Variants in MMD2 observed in about 807,000 individuals in gnomAD.
The protein encoded by MMD2 is monocyte to macrophage differentiation factor 2.
In MMD2, 30 loss-of-function variants were observed where a neutral mutation model predicts 33.5. The observed-to-expected ratio is 0.90, with a 90% CI of 0.67 to 1.22. MMD2 has a LOEUF of 1.22. Ranked by LOEUF, MMD2 falls within the 50% of genes most tolerant of loss-of-function variation. The probability of loss-of-function intolerance (pLI) is 0.00; values close to 1 mark genes in which losing one functional copy is unlikely to be tolerated. For synonymous variants in MMD2, 129 were observed against 123.0 expected, an observed-to-expected ratio of 1.05 and a Z score of -0.32; for missense variants, 364 against 325.4, an observed-to-expected ratio of 1.12 and a Z score of -0.91.
chr7:4,918,310 C>A (rs1421717216), intron 3 of MMD2, among the ~76,000 whole-genome samples: 2 of 152,156 alleles, frequency 1.3e-5, no homozygotes, highest in Admixed American at 6.6e-5. Flanking sequence ...CAGCCCTGAA[C>A]AAATTTGACT....
At position 4,941,326 on chromosome 7, in the gene MMD2, A is replaced by C. The variant is rs570593093; in HGVS notation, c.48-15794T>G. Reference sequence around the variant, plus strand: ...TTGAGAGTTGGTAAGTTTTCAGGCAATAGCAGAAAAAGGACACTTCTGACC... The same window carrying C: ...TTGAGAGTTGGTAAGTTTTCAGGCACTAGCAGAAAAAGGACACTTCTGACC... On this transcript the variant is annotated intron_variant, in intron 1 of 6. Coordinates refer to ENST00000401401, the MANE Select transcript of MMD2 (RefSeq NM_198403.4). Among the ~76,000 whole-genome samples, 5 of 152,320 alleles carry C rather than the reference A, an allele frequency of 3.3e-5. No homozygotes were observed. The East Asian group carries it at 9.6e-4, about 29-fold the overall frequency.
At chr7:4,945,184 CTTTCTTCTTCTTCTT>C (rs1391769537) in intron 1 of MMD2, among the ~76,000 whole-genome samples, 2 of 31,624 alleles carry the variant, frequency 6.3e-5, no homozygotes, top group African/African-American at 2.3e-4. Context: ...TCCTCTTCCT[CTTTCTTCTTCTTCTT>C]CTTCTTCTTC....
intron 3 of MMD2, 59 bp from the exon 4 acceptor site, chr7:4,916,138 C>T: frequency 6.5e-7 from 1 of 1,542,420 alleles, no homozygotes; most frequent in East Asian, 2.3e-5. Flanking sequence ...GGGCCAGTGC[C>T]CCCAGAGCCG....
the MMD2 span, among the ~76,000 whole-genome samples, chr7:4,896,610 C>T: frequency 2.6e-5 from 4 of 152,224 alleles, no homozygotes; most frequent in Admixed American, 1.3e-4. Context: ...CCATTTCCAC[C>T]TCCTCTAGCT....
At chr7:4,945,767 G>A (rs947909382) in intron 1 of MMD2, among the ~76,000 whole-genome samples, 2 of 147,826 alleles carry the variant, frequency 1.4e-5, no homozygotes, top group East Asian at 1.9e-4. Context: ...TGGAGATGGG[G>A]ATTCATCATG....
In MMD2 at chr7:4,909,774, C is replaced by T. The variant is rs1262732604; in HGVS notation, c.537+107G>A. 26 of 1,469,500 alleles carry T rather than the reference C, an allele frequency of 1.8e-5. No homozygotes were observed. The Admixed American group carries it at 4.7e-4, about 27-fold the overall frequency. The allele number at this position is 1,469,500 out of a possible 1,614,324, so 91.0% of individuals were successfully genotyped here. On this transcript the variant is annotated intron_variant, in intron 6 of 6. Transcript: ENST00000401401. The stretch of plus-strand genomic sequence containing the variant: ...ACAAGTCATGCCAGGCCTCAGTTTC[C>T]CCGCCTGCCAAAGGAGAGGGTTTGT...
intron 2 of MMD2, among the ~76,000 whole-genome samples, 182 bp downstream of exon 2, chr7:4,925,269 G>A (rs910964926): frequency 3.9e-5 from 6 of 152,110 alleles, no homozygotes; most frequent in Non-Finnish European, 7.4e-5. Context: ...GACATGGCCA[G>A]CACTGCAGTC....
chr7:4,942,011 T>A (rs1167913649), intron 1 of MMD2, among the ~76,000 whole-genome samples: 3 of 152,100 alleles, frequency 2.0e-5, no homozygotes, highest in Admixed American at 1.3e-4. Context: ...TGAAGTGCTG[T>A]GGCATGATCT....
chr7:4,911,368 C>A (rs1363588448), intron 4 of MMD2, 122 bp from the exon 5 acceptor site: 2 of 706,792 alleles, frequency 2.8e-6, no homozygotes, highest in East Asian at 5.5e-5. Flanking sequence ...GACTCCACGG[C>A]TGGGACATGG....
chr7:4,931,754 TG>T (rs1213814070), intron 1 of MMD2, among the ~76,000 whole-genome samples: 68 of 149,934 alleles, frequency 4.5e-4, no homozygotes, highest in Admixed American at 4.5e-3. Context: ...TTGTAGAGAC[TG>T]GGTCTTGCTC....
Position 4,911,131 on chromosome 7 carries a change from C to CA in MMD2, c.467+13dup, listed in dbSNP as rs1562476171. ...GGGAATCCCGCCTCCCTGAAGCCCCCAGGCCTGGCTTACCGCTCATGGAAG... is the reference window on the plus strand; with the variant it reads ...GGGAATCCCGCCTCCCTGAAGCCCCCAAGGCCTGGCTTACCGCTCATGGAAG... On this transcript the variant is annotated intron_variant, in intron 5 of 6. Transcript: ENST00000401401. 6.4e-7 allele frequency: 1 copy of CA among 1,564,158 alleles called. No individual in the cohort carries two copies. Among genetic ancestry groups the CA allele is most frequent in the Non-Finnish European group, 8.7e-7 (1 of 1,154,358 alleles).
chr7:4,894,737 C>T, the MMD2 span, among the ~76,000 whole-genome samples: 1,240 of 152,230 alleles, frequency 8.1e-3, 25 homozygotes, highest in African/African-American at 0.028. This position sits in a 1 kb window ranked among gnomAD's most constrained non-coding sequence, Gnocchi z 4.3. Flanking sequence ...ACCGGCCAGT[C>T]ATTTGTCTCT....
chr7:4,911,741 C>T (rs951763082), intron 4 of MMD2, among the ~76,000 whole-genome samples: 3 of 152,068 alleles, frequency 2.0e-5, no homozygotes, highest in Admixed American at 6.6e-5. Context: ...CTCCGCCACC[C>T]GGGTTCAAGC....
chr7:4,911,289 A>C (rs1463767333), intron 4 of MMD2, 43 bp from the exon 5 acceptor site: 1 of 1,484,396 alleles, frequency 6.7e-7, no homozygotes, highest in African/African-American at 1.4e-5. Context: ...AGGGGGGCCC[A>C]CCAGGACCCC....
chr7:4,932,996 T>C (rs1257146047), intron 1 of MMD2, among the ~76,000 whole-genome samples: 1 of 150,348 alleles, frequency 6.7e-6, no homozygotes, highest in Non-Finnish European at 1.5e-5. Flanking sequence ...TTTTTTTTTA[T>C]GTTTAAAGAG....
chr7:4,947,067 G>C (rs998102185), intron 1 of MMD2, among the ~76,000 whole-genome samples: 1 of 152,004 alleles, frequency 6.6e-6, no homozygotes, highest in Non-Finnish European at 1.5e-5. Context: ...AATTACCTTG[G>C]TGTGGTGGTG....
At chr7:4,947,322 G>A (rs568380092) in intron 1 of MMD2, among the ~76,000 whole-genome samples, 1 of 152,220 alleles carries the variant, frequency 6.6e-6, no homozygotes, top group South Asian at 2.1e-4. Flanking sequence ...TCCCAATCAT[G>A]GCAGAAAGCA....
downstream of MMD2, among the ~76,000 whole-genome samples, chr7:4,904,875 G>A (rs1413769424): frequency 1.3e-5 from 2 of 152,188 alleles, no homozygotes; most frequent in Admixed American, 1.3e-4. Context: ...GAAGGATGGG[G>A]CTCCAAGCTG....
chr7:4,911,063 A>G, intron 5 of MMD2, 82 bp downstream of exon 5: 1 of 1,161,068 alleles, frequency 8.6e-7, no homozygotes, highest in South Asian at 1.3e-5. Flanking sequence ...ATCATCCTGG[A>G]CTCTCGGCAG....
Sources: allele counts gnomAD v4.1 joint callset (sites outside exome capture counted in the v4.1 genomes callset), GRCh38; gene constraint gnomAD v4.1.1; non-coding constraint Gnocchi (gnomAD v3.1); transcripts MANE v1.5; gene names NCBI Gene and HGNC (gene_info 2026-07-23, HGNC 2026-07-21).